Variants in ANKRD22 observed in about 807,000 individuals in gnomAD.
ANKRD22 encodes ankyrin repeat domain-containing protein 22.
ANKRD22 carries 24 observed loss-of-function variants against 25.7 expected under a neutral mutation model. That is an observed-to-expected ratio of 0.93 (90% CI 0.68 to 1.31). The LOEUF (loss-of-function observed/expected upper bound fraction) is 1.31, where lower values mean the gene tolerates loss of function less well. ANKRD22 is among the 50% of genes most tolerant of loss of function. ANKRD22 has a pLI of 0.00. For missense variants in ANKRD22, 214 were observed against 227.1 expected (o/e 0.94, Z 0.37); for synonymous variants, 84 against 84.3 (o/e 1.00, Z 0.02).
Position 88,821,396 on chromosome 10 carries a change from A to G in ANKRD22, c.*1545T>C, listed in dbSNP as rs1236413480. Among the ~76,000 whole-genome samples the G allele has an allele frequency of 6.6e-6, 1 of 152,246 alleles. No homozygotes were observed. Among genetic ancestry groups the G allele is most frequent in the African/African-American group, 2.4e-5 (1 of 41,468 alleles). On this transcript the variant is annotated 3_prime_UTR_variant, in exon 6 of 6. Transcript: ENST00000371930. The stretch of plus-strand genomic sequence containing the variant: ...CTTCAGAAAATTATTCCACTTTTAC[A>G]CAATTTCAAAGATGACAGTTGTAAA...
intron 1 of ANKRD22, among the ~76,000 whole-genome samples, chr10:88,849,880 C>T (rs1011643777): frequency 6.6e-5 from 10 of 152,102 alleles, no homozygotes; most frequent in African/African-American, 2.2e-4. Flanking sequence ...TGGGATCCTC[C>T]CTCATTCTCT....
rs922229866 is a variant in ANKRD22 at position 88,832,121 on chromosome 10, A to C, written c.22-95T>G. On this transcript the variant is annotated intron_variant, in intron 1 of 5. Coordinates refer to ENST00000371930, the MANE Select transcript of ANKRD22 (RefSeq NM_144590.3). The stretch of plus-strand genomic sequence containing the variant: ...TCATAACCCAATACATTAAAATTTA[A>C]ATGTTTTAAAATTGTAATATATTGC... The C allele has an allele frequency of 5.4e-6, 7 of 1,304,620 alleles. No individual in the cohort carries two copies. In the African/African-American group the frequency reaches 1.0e-4, roughly 20 times the overall value. 80.8% of individuals were successfully genotyped at this position (1,304,620 alleles called of 1,614,324 possible).
At chr10:88,835,568 G>T (rs999934550) in intron 1 of ANKRD22, among the ~76,000 whole-genome samples, 1 of 152,154 alleles carries the variant, frequency 6.6e-6, no homozygotes, top group Admixed American at 6.5e-5. Context: ...TAACACAATT[G>T]TAAGTATTTG....
Position 88,851,723 on chromosome 10 carries a change from G to GGT in ANKRD22, c.-118_-117dup. The stretch of plus-strand genomic sequence containing the variant: ...AGGAAAGTCCCTAGAAGTCCAAGCT[G>GGT]GTGGCAAGCTCCAGGAGTGCTTTTC... On this transcript the variant is annotated 5_prime_UTR_variant, in exon 1 of 6. Coordinates refer to ENST00000371930, the MANE Select transcript of ANKRD22 (RefSeq NM_144590.3). 2 of 1,235,498 alleles carry GGT rather than the reference G, an allele frequency of 1.6e-6. No individual in the cohort carries two copies. The highest frequency in any genetic ancestry group is 2.4e-6 in the Non-Finnish European group (2 of 845,006). 76.5% of individuals were successfully genotyped at this position (1,235,498 alleles called of 1,614,324 possible).
chr10:88,841,233 T>A (rs1844001405), intron 1 of ANKRD22, among the ~76,000 whole-genome samples: 1 of 152,068 alleles, frequency 6.6e-6, no homozygotes, highest in Admixed American at 6.6e-5. Context: ...GAAGAGTGGG[T>A]TCTGGCTGCT....
chr10:88,831,972 T>C lies in ANKRD22; in HGVS notation c.76A>G (p.Lys26Glu), dbSNP rs1589324589. 1 of 1,613,816 alleles carries C rather than the reference T, an allele frequency of 6.2e-7. No individual in the cohort carries two copies. The highest frequency in any genetic ancestry group is 8.5e-7 in the Non-Finnish European group (1 of 1,179,888). Residue 26 changes from lysine (K) to glutamate (E), a missense_variant, in exon 2 of 6, where the codon AAA (lysine) becomes GAA (glutamate). Transcript: ENST00000371930. Reference protein sequence around the residue: ...NDFGQVWRWVKEDSSYANVQD... With the variant: ...NDFGQVWRWVEEDSSYANVQD... ...ACGTTGGCATAGCTGCTGTCTTCTT[T>C]CACCCACCGCCACACTTGTCCAAAG...
In ANKRD22 at chr10:88,851,750, A is replaced by G. The variant is rs1844106927; in HGVS notation, c.-143T>C. 4 of 833,578 alleles carry G rather than the reference A, an allele frequency of 4.8e-6. No homozygotes were observed. The Admixed American group carries it at 7.7e-5, about 16-fold the overall frequency. 51.6% of individuals were successfully genotyped at this position (833,578 alleles called of 1,614,324 possible). A position where few individuals can be genotyped will look rare whatever the true frequency, so the allele number is the denominator to read the frequency against. On this transcript the variant is annotated 5_prime_UTR_variant, in exon 1 of 6. Transcript: ENST00000371930. ...TGGCAAGCTCCAGGAGTGCTTTTCT[A>G]GCAAACACCTGTCAGTGCTTTTCCA...
At chr10:88,823,933 G>T (rs1320726583) in intron 4 of ANKRD22, among the ~76,000 whole-genome samples, 1 of 151,448 alleles carries the variant, frequency 6.6e-6, no homozygotes, top group Non-Finnish European at 1.5e-5. Flanking sequence ...CTGTTCTAAA[G>T]AATGCAACTT....
chr10:88,851,312 T>G (rs984091212), intron 1 of ANKRD22, among the ~76,000 whole-genome samples: 4 of 152,198 alleles, frequency 2.6e-5, no homozygotes, highest in Non-Finnish European at 5.9e-5. Context: ...TTTGTCCAAA[T>G]TATCCTTGCA....
Position 88,823,357 on chromosome 10 carries a change from A to G in ANKRD22, c.421T>C (p.Tyr141His), listed in dbSNP as rs201766752. 1.9e-6 allele frequency: 3 copies of G among 1,614,108 alleles called. No homozygotes were observed. Among genetic ancestry groups the G allele is most frequent in the East Asian group, 2.2e-5 (1 of 44,878 alleles). Reference protein sequence around the residue: ...TDCYGCTALHYACEMKNQSLI... With the variant: ...TDCYGCTALHHACEMKNQSLI... ...GACTGGTTTTTCATTTCACAGGCAT[A>G]ATGTAATGCGGTACAGCCATACTGA... The change falls in exon 5 of 6, where the codon TAT becomes CAT. Residue 141 changes from tyrosine (Y) to histidine (H), a missense_variant. Coordinates refer to ENST00000371930, the MANE Select transcript of ANKRD22 (RefSeq NM_144590.3).
At chr10:88,824,186 G>A (rs985545463) in intron 4 of ANKRD22, among the ~76,000 whole-genome samples, 3 of 152,128 alleles carry the variant, frequency 2.0e-5, no homozygotes, top group South Asian at 2.1e-4. Context: ...ATTTGTTATA[G>A]CTTATATTAT....
At chr10:88,848,154 ATATATATATGTATATATGTG>A (rs200304398) in intron 1 of ANKRD22, among the ~76,000 whole-genome samples, 2,303 of 143,870 alleles carry the variant, frequency 0.016, 29 homozygotes, top group South Asian at 0.045. Context: ...ATGCGTGTAT[ATATATATATGTATATATGTG>A]TATATATATA....
At chr10:88,825,440 A>G (rs1442718263) in intron 4 of ANKRD22, among the ~76,000 whole-genome samples, 2 of 152,250 alleles carry the variant, frequency 1.3e-5, no homozygotes, top group African/African-American at 2.4e-5. Context: ...TGCTCTTACC[A>G]TCAGTGGGAT....
intron 1 of ANKRD22, among the ~76,000 whole-genome samples, chr10:88,849,500 G>A (rs532187518): frequency 6.6e-6 from 1 of 152,082 alleles, no homozygotes; most frequent in Non-Finnish European, 1.5e-5. Context: ...GTAAACACAG[G>A]ACTCATCCTA....
intron 4 of ANKRD22, 136 bp downstream of exon 4, chr10:88,825,901 GA>G (rs912320597): frequency 1.2e-4 from 89 of 722,182 alleles, no homozygotes; most frequent in East Asian, 5.4e-4. Flanking sequence ...CTGTCAGTGG[GA>G]AAAAAAAGGA....
At chr10:88,826,387 T>C (rs1202572440) in intron 3 of ANKRD22, among the ~76,000 whole-genome samples, 2 of 152,182 alleles carry the variant, frequency 1.3e-5, no homozygotes, top group Non-Finnish European at 2.9e-5. Flanking sequence ...CTAATTCCAC[T>C]GAGGATGGGG....
rs1247749180 is a variant in ANKRD22 at position 88,826,022 on chromosome 10, A to G, written c.399+16T>C. 2 of 1,595,368 alleles carry G rather than the reference A, an allele frequency of 1.3e-6. No homozygotes were observed. Among genetic ancestry groups the G allele is most frequent in the Non-Finnish European group, 8.6e-7 (1 of 1,167,478 alleles). ...TTTTGAATATTTTTTCAAAATGGCT[A>G]AAAGTATAAACTTACACAATCTGTA... On this transcript the variant is annotated intron_variant, in intron 4 of 5. Coordinates refer to ENST00000371930, the MANE Select transcript of ANKRD22 (RefSeq NM_144590.3).
At chr10:88,840,066 T>A (rs2133078665) in intron 1 of ANKRD22, among the ~76,000 whole-genome samples, 1 of 152,256 alleles carries the variant, frequency 6.6e-6, no homozygotes, top group South Asian at 2.1e-4. Context: ...GCTTTTAAAC[T>A]CACATTAGCT....
intron 1 of ANKRD22, among the ~76,000 whole-genome samples, chr10:88,843,737 A>G (rs1202039508): frequency 1.3e-5 from 2 of 152,182 alleles, no homozygotes; most frequent in Non-Finnish European, 2.9e-5. Flanking sequence ...AAGGGATTTC[A>G]TTGGGAGAAT....
Sources: gnomAD v4.1 joint callset for allele counts (sites outside exome capture counted in the v4.1 genomes callset) on GRCh38, gnomAD v4.1.1 for gene constraint, MANE v1.5 for transcripts, NCBI Gene and HGNC (gene_info 2026-07-23, HGNC 2026-07-21) for gene names.